The following ADAP1 variants were observed in gnomAD, a reference collection of about 807,000 sequenced individuals.
ADAP1 encodes the protein arf-GAP with dual PH domain-containing protein 1.
ADAP1 carries 31 observed loss-of-function variants against 54.9 expected under a neutral mutation model. That is an observed-to-expected ratio of 0.56 (90% CI 0.42 to 0.76). The LOEUF is 0.76. Ranked by LOEUF, ADAP1 falls within the 30% of genes least tolerant of loss-of-function variation. The pLI is 0.00. For synonymous variants in ADAP1, 313 were observed against 202.6 expected, an observed-to-expected ratio of 1.55 and a Z score of -4.63; for missense variants, 535 against 512.4, an observed-to-expected ratio of 1.04 and a Z score of -0.42.
rs372776243 is a variant in ADAP1, at chr7:905,403, AG to A, written c.389-232del. ...AGAAAGGAGAAAGGAGAAAGGAGAAAGGAGAAAGGGAGAAAGAGAAAGGAGA... is the reference window on the plus strand; with the variant it reads ...AGAAAGGAGAAAGGAGAAAGGAGAAAGAGAAAGGGAGAAAGAGAAAGGAGA... On this transcript the variant is annotated intron_variant, in intron 4 of 10. Transcript: ENST00000265846. 2.6e-5 allele frequency: 6 copies of A among 229,612 alleles called. 1 individual carries two copies. The highest frequency in any genetic ancestry group is 1.2e-4 in the Admixed American group (2 of 16,586). 14.2% of individuals were successfully genotyped at this position (229,612 alleles called of 1,614,324 possible). A position where few individuals can be genotyped will look rare whatever the true frequency, so the allele number is the denominator to read the frequency against.
intron 2 of ADAP1, chr7:927,018 A>G: frequency 7.9e-7 from 1 of 1,260,602 alleles, no homozygotes; most frequent in Non-Finnish European, 1.0e-6. Flanking sequence ...TGCCCCAGAG[A>G]GCGAGGGCTT....
At chr7:944,255 C>CTT (rs373409871) in intron 1 of ADAP1, among the ~76,000 whole-genome samples, 17 of 135,426 alleles carry the variant, frequency 1.3e-4, no homozygotes, top group South Asian at 2.4e-4. Context: ...TATTTTTAAC[C>CTT]TTTTTTTTTT....
chr7:901,607 C>T (rs1159755499), intron 6 of ADAP1, among the ~76,000 whole-genome samples: 3 of 152,154 alleles, frequency 2.0e-5, no homozygotes, highest in East Asian at 1.9e-4. Flanking sequence ...ATTGCCCTGT[C>T]CTCTTCCAGT....
At chr7:925,640 G>A (rs1846356530) in intron 3 of ADAP1, among the ~76,000 whole-genome samples, 1 of 152,250 alleles carries the variant, frequency 6.6e-6, no homozygotes, top group Admixed American at 6.5e-5. Context: ...CAGCTCCTGG[G>A]CAGGCAGAGC....
At chr7:910,928 C>T (rs1296436511) in intron 4 of ADAP1, among the ~76,000 whole-genome samples, 2 of 152,134 alleles carry the variant, frequency 1.3e-5, no homozygotes, top group South Asian at 2.1e-4. Context: ...CCGGAGCCCA[C>T]GGCAGAGCAG....
rs61730955 is a variant in ADAP1, at chr7:904,231, G to C, written c.543C>G (p.Asn181Lys). The C allele has an allele frequency of 1.9e-6, 3 of 1,609,524 alleles. No homozygotes were observed. The highest frequency in any genetic ancestry group is 2.5e-6 in the Non-Finnish European group (3 of 1,178,186). Reference protein sequence around the residue: ...PKAVMKIEHLNATFQPAKIGH... With the variant: ...PKAVMKIEHLKATFQPAKIGH... ...CGATCTTGGCCGGCTGGAAGGTGGCGTTCAGGTGCTCGATCTTCATCACGG... is the reference window on the plus strand; with the variant it reads ...CGATCTTGGCCGGCTGGAAGGTGGCCTTCAGGTGCTCGATCTTCATCACGG... Residue 181 changes from asparagine (N) to lysine (K), a missense_variant, in exon 6 of 11, where the codon AAC (asparagine) becomes AAG (lysine). Coordinates refer to ENST00000265846, the MANE Select transcript of ADAP1 (RefSeq NM_006869.4).
At chr7:947,327 G>A (rs1051130720) in intron 1 of ADAP1, among the ~76,000 whole-genome samples, 8 of 151,198 alleles carry the variant, frequency 5.3e-5, no homozygotes, top group African/African-American at 1.9e-4. Context: ...AAAGTGCTGG[G>A]ATCACAGGTG....
chr7:932,217 G>A (rs903577880), intron 2 of ADAP1, among the ~76,000 whole-genome samples: 5 of 152,154 alleles, frequency 3.3e-5, no homozygotes, highest in South Asian at 2.1e-4. Context: ...AGACCTCTGC[G>A]GCAGGAATCA....
chr7:955,207 C>A (rs745532676), upstream of ADAP1: 1 of 1,220,070 alleles, frequency 8.2e-7, no homozygotes, highest in South Asian at 1.3e-5. Context: ...CCTCTGGGCA[C>A]CCCTCCCACT....
chr7:933,195 C>G (rs535485343), intron 2 of ADAP1, among the ~76,000 whole-genome samples: 1 of 151,464 alleles, frequency 6.6e-6, no homozygotes, highest in South Asian at 2.1e-4. Flanking sequence ...TGCTTGAGCC[C>G]GGGAGGTGGA....
chr7:900,809 A>G, intron 6 of ADAP1, 193 bp from the exon 7 acceptor site: 1 of 650,626 alleles, frequency 1.5e-6, no homozygotes. Flanking sequence ...GGGCTGCTAC[A>G]CAGGGGCTGC....
chr7:905,378 A>AGAAAGGGAAAGGGAAAGG (rs1845102570), intron 4 of ADAP1: 1 of 145,110 alleles, frequency 6.9e-6, no homozygotes, highest in Non-Finnish European at 1.2e-5. Context: ...AAGGGAAAGG[A>AGAAAGGGAAAGGGAAAGG]GAAAGGAGAA....
chr7:905,880 AG>A (rs1228950616), intron 4 of ADAP1, among the ~76,000 whole-genome samples: 1 of 24,324 alleles, frequency 4.1e-5, no homozygotes, highest in Non-Finnish European at 8.7e-5. Context: ...GAAGGGAGAA[AG>A]GAGAAAGGAG....
chr7:952,412 C>T (rs529555335), intron 1 of ADAP1, among the ~76,000 whole-genome samples: 2 of 152,306 alleles, frequency 1.3e-5, no homozygotes, highest in African/African-American at 2.4e-5. Flanking sequence ...CAGAACGTGC[C>T]GGCCACCCCA....
chr7:934,746 G>A (rs1007447936), intron 2 of ADAP1, among the ~76,000 whole-genome samples: 1 of 152,134 alleles, frequency 6.6e-6, no homozygotes, highest in Non-Finnish European at 1.5e-5. Flanking sequence ...TTCCTGGTTG[G>A]CTCACACCCG....
At chr7:943,150 AAG>A (rs762764305) in intron 1 of ADAP1, among the ~76,000 whole-genome samples, 64 of 45,512 alleles carry the variant, frequency 1.4e-3, no homozygotes, top group Non-Finnish European at 2.1e-3. Flanking sequence ...GAGTAGGAGG[AAG>A]AGAGGAGGAG....
chr7:936,777 G>C (rs538833651), intron 1 of ADAP1, among the ~76,000 whole-genome samples: 1 of 152,230 alleles, frequency 6.6e-6, no homozygotes, highest in Non-Finnish European at 1.5e-5. Flanking sequence ...GGTGGAAATC[G>C]AGGCGCTTCC....
intron 6 of ADAP1, among the ~76,000 whole-genome samples, chr7:903,478 T>C (rs1844923326): frequency 1.3e-5 from 2 of 152,238 alleles, no homozygotes; most frequent in South Asian, 4.1e-4. Context: ...TTAGGAACGA[T>C]ATAGCGCTTT....
chr7:905,222 A>G, intron 4 of ADAP1, 50 bp from the exon 5 acceptor site: 1 of 1,455,140 alleles, frequency 6.9e-7, no homozygotes, highest in Non-Finnish European at 9.5e-7. Context: ...GGGGGGAGGA[A>G]ACAAAAGGAG....
Sources: gnomAD v4.1 joint callset for allele counts (sites outside exome capture counted in the v4.1 genomes callset) on GRCh38, gnomAD v4.1.1 for gene constraint, MANE v1.5 for transcripts, NCBI Gene and HGNC (gene_info 2026-07-23, HGNC 2026-07-21) for gene names.